The following NELL1 variants were observed in gnomAD, a reference collection of about 807,000 sequenced individuals.
The protein encoded by NELL1 is neural EGFL like 1, also known as protein kinase C-binding protein NELL1.
Under a neutral mutation model 107.4 loss-of-function variants are expected in NELL1, and 76 were observed. The observed-to-expected ratio is 0.71, with a 90% CI of 0.59 to 0.86. NELL1 has a LOEUF of 0.86. Ranked by LOEUF, NELL1 falls within the 40% of genes least tolerant of loss-of-function variation. The probability of loss-of-function intolerance (pLI) is 0.00; values close to 1 mark genes in which losing one functional copy is unlikely to be tolerated. For synonymous variants in NELL1, 353 were observed against 341.2 expected (o/e 1.03, Z -0.38); for missense variants, 1,024 against 1,005.5 (o/e 1.02, Z -0.25).
chr11:21,090,057 G>C (rs956796402), intron 12 of NELL1, among the ~76,000 whole-genome samples: 1 of 152,136 alleles, frequency 6.6e-6, no homozygotes, highest in Non-Finnish European at 1.5e-5. Flanking sequence ...GTATTTGTGA[G>C]CTATCTTCAT....
chr11:21,384,842 A>G lies in NELL1; in HGVS notation c.1645+13894A>G, dbSNP rs565626160. 2.6e-5 allele frequency among the ~76,000 whole-genome samples: 4 copies of G among 152,074 alleles called. No homozygotes were observed. In the South Asian group the frequency reaches 8.3e-4, roughly 32 times the overall value. The stretch of plus-strand genomic sequence containing the variant: ...GTGACACATTTTCTTAATCCAGTCT[A>G]TCATTGTTGGACATTTGGGTTGGTT... On this transcript the variant is annotated intron_variant, in intron 15 of 19. Transcript: ENST00000357134.
intron 15 of NELL1, among the ~76,000 whole-genome samples, chr11:21,412,778 A>T (rs1029104567): frequency 2.0e-5 from 3 of 151,982 alleles, no homozygotes; most frequent in Non-Finnish European, 4.4e-5. Context: ...CTTAAGTATA[A>T]CTCCTGGCCT....
intron 12 of NELL1, among the ~76,000 whole-genome samples, chr11:21,038,588 C>T (rs550497024): frequency 2.0e-5 from 3 of 152,176 alleles, no homozygotes; most frequent in South Asian, 2.1e-4. Flanking sequence ...CCAACTCAAA[C>T]GCCACTGCCA....
chr11:21,327,162 G>GTTT (rs369129791), intron 14 of NELL1, among the ~76,000 whole-genome samples: 33 of 96,934 alleles, frequency 3.4e-4, no homozygotes, highest in Non-Finnish European at 4.6e-4. Context: ...GAGATCTGAT[G>GTTT]TTTTTTTTTT....
chr11:20,674,751 G>A (rs1854008289), intron 1 of NELL1, among the ~76,000 whole-genome samples: 1 of 152,118 alleles, frequency 6.6e-6, no homozygotes, highest in African/African-American at 2.4e-5. Flanking sequence ...TGGGGGTGGG[G>A]ATTCAAGGAT....
chr11:21,007,329 T>C lies in NELL1; in HGVS notation c.1300+46769T>C, dbSNP rs572894991. ...CCTCTGCAGAAGACATAATAACATG[T>C]GACATTGATAGGATTGGGGCATTCA... On this transcript the variant is annotated intron_variant, in intron 12 of 19. Coordinates refer to ENST00000357134, the MANE Select transcript of NELL1 (RefSeq NM_006157.5). Among the ~76,000 whole-genome samples, 8 of 152,166 alleles carry C rather than the reference T, an allele frequency of 5.3e-5. No homozygotes were observed. The South Asian group carries it at 1.5e-3, about 28-fold the overall frequency.
intron 2 of NELL1, among the ~76,000 whole-genome samples, chr11:20,773,248 G>A (rs1454128969): frequency 6.6e-6 from 1 of 152,102 alleles, no homozygotes; most frequent in African/African-American, 2.4e-5. Flanking sequence ...CCATAGCTTG[G>A]TACCCCACCC....
chr11:21,485,268 A>G (rs1854596078), intron 15 of NELL1, among the ~76,000 whole-genome samples: 1 of 152,114 alleles, frequency 6.6e-6, no homozygotes, highest in South Asian at 2.1e-4. Flanking sequence ...AAAGAGGGGA[A>G]GCCAGGCACT....
chr11:20,820,732 C>G (rs1857731515), intron 3 of NELL1, among the ~76,000 whole-genome samples: 1 of 152,088 alleles, frequency 6.6e-6, no homozygotes, highest in African/African-American at 2.4e-5. Context: ...AATAGAATAC[C>G]CTTTTCCTCA....
At chr11:21,530,964 T>C (rs1053696974) in intron 15 of NELL1, among the ~76,000 whole-genome samples, 2 of 152,122 alleles carry the variant, frequency 1.3e-5, no homozygotes, top group Admixed American at 1.3e-4. Flanking sequence ...CTTCCAGGTA[T>C]CCCTAGCAAG....
rs552927511 is a variant in NELL1 at position 21,420,403 on chromosome 11, A to G, written c.1645+49455A>G. 2.0e-5 allele frequency among the ~76,000 whole-genome samples: 3 copies of G among 152,306 alleles called. No individual in the cohort carries two copies. In the South Asian group the frequency reaches 6.2e-4, roughly 32 times the overall value. On this transcript the variant is annotated intron_variant, in intron 15 of 19. Coordinates refer to ENST00000357134, the MANE Select transcript of NELL1 (RefSeq NM_006157.5). ...TTGTAAAAATGATGTAAATGTACAA[A>G]TATGAAAAGAAGAGGAAAGGAGGTG...
chr11:20,845,658 C>T (rs1159130065), intron 3 of NELL1, among the ~76,000 whole-genome samples: 1 of 152,140 alleles, frequency 6.6e-6, no homozygotes, highest in Non-Finnish European at 1.5e-5. Flanking sequence ...ATAATGAAAT[C>T]TACCTTAAAG....
At chr11:21,400,583 A>G (rs964352087) in intron 15 of NELL1, among the ~76,000 whole-genome samples, 1 of 151,910 alleles carries the variant, frequency 6.6e-6, no homozygotes, top group African/African-American at 2.4e-5. Flanking sequence ...TTGAAAGTTG[A>G]TAAACATGTG....
chr11:21,570,426 A>G (rs1471477951), intron 17 of NELL1, among the ~76,000 whole-genome samples: 2 of 151,858 alleles, frequency 1.3e-5, no homozygotes, highest in Non-Finnish European at 2.9e-5. Context: ...ATGATTTTCC[A>G]CTCAAATGAC....
At chr11:20,719,466 A>G (rs1405769424) in intron 2 of NELL1, among the ~76,000 whole-genome samples, 6 of 152,204 alleles carry the variant, frequency 3.9e-5, no homozygotes, top group African/African-American at 1.4e-4. Context: ...TTTTGGAAAA[A>G]GGAAGAATGG....
At chr11:20,997,895 C>T (rs1055599534) in intron 12 of NELL1, among the ~76,000 whole-genome samples, 4 of 151,970 alleles carry the variant, frequency 2.6e-5, no homozygotes, top group Non-Finnish European at 4.4e-5. Flanking sequence ...TCACTTGAGC[C>T]CAGGAGTTCT....
chr11:21,419,169 A>G (rs978689005), intron 15 of NELL1, among the ~76,000 whole-genome samples: 26 of 152,092 alleles, frequency 1.7e-4, no homozygotes, highest in African/African-American at 4.8e-4. Context: ...CAAGTCTCTT[A>G]TACTTGAGAG....
chr11:21,493,212 G>A (rs1248681608), intron 15 of NELL1, among the ~76,000 whole-genome samples: 2 of 152,040 alleles, frequency 1.3e-5, no homozygotes, highest in African/African-American at 4.8e-5. Flanking sequence ...ACCACCATAT[G>A]ATACAGCCAG....
At chr11:20,859,541 C>T (rs889579830) in intron 4 of NELL1, among the ~76,000 whole-genome samples, 12 of 152,124 alleles carry the variant, frequency 7.9e-5, no homozygotes, top group South Asian at 2.1e-4. Context: ...GTGGAGTAGA[C>T]GTTACACTAG....
Sources: allele counts gnomAD v4.1 joint callset (sites outside exome capture counted in the v4.1 genomes callset), GRCh38; gene constraint gnomAD v4.1.1; transcripts MANE v1.5; gene names NCBI Gene and HGNC (gene_info 2026-07-23, HGNC 2026-07-21).